DOCK8: variants seen among roughly 807,000 people sequenced by gnomAD.
The protein encoded by DOCK8 is dedicator of cytokinesis protein 8.
DOCK8 carries 141 observed loss-of-function variants against 245.6 expected under a neutral mutation model. The ratio of observed to expected loss-of-function variants is 0.57; its 90% CI spans 0.50 to 0.66. DOCK8 has a LOEUF of 0.66. Among genes scored for constraint, DOCK8 ranks in the 30% least tolerant of loss-of-function variants. The pLI, the probability that DOCK8 is intolerant of heterozygous loss-of-function variation, is 0.00. For synonymous variants in DOCK8, 1,168 were observed against 970.2 expected, an observed-to-expected ratio of 1.20 and a Z score of -3.79; for missense variants, 2,965 against 2,603.4, an observed-to-expected ratio of 1.14 and a Z score of -3.02.
intron 6 of DOCK8, chr9:312,511 G>A (rs1441955370): frequency 2.2e-6 from 1 of 454,370 alleles, no homozygotes; most frequent in East Asian, 6.2e-5. Flanking sequence ...GAGGGGATGT[G>A]TGGTCACTAA....
chr9:422,984 C>CAAA (rs56034723), intron 33 of DOCK8, among the ~76,000 whole-genome samples: 1 of 102,826 alleles, frequency 9.7e-6, no homozygotes, highest in Non-Finnish European at 1.9e-5. Flanking sequence ...GACTCCATCT[C>CAAA]AAAAAAAAAA....
chr9:401,677 C>A (rs1376181363), intron 26 of DOCK8, among the ~76,000 whole-genome samples: 3 of 151,968 alleles, frequency 2.0e-5, no homozygotes, highest in Non-Finnish European at 2.9e-5. Context: ...CAGCACCAGT[C>A]GACAGTGAAG....
chr9:396,643 C>G, intron 24 of DOCK8, 142 bp from the exon 25 acceptor site: 1 of 1,157,960 alleles, frequency 8.6e-7, no homozygotes, highest in Non-Finnish European at 1.3e-6. Flanking sequence ...TAGTCCAGAG[C>G]TTGCTCGGGC....
chr9:418,980 GT>G (rs966695909), intron 30 of DOCK8, among the ~76,000 whole-genome samples: 7 of 152,160 alleles, frequency 4.6e-5, no homozygotes, highest in African/African-American at 1.7e-4. Context: ...CCTAAGGAGG[GT>G]TGTTTGGCTC....
intron 23 of DOCK8, among the ~76,000 whole-genome samples, chr9:386,839 C>T (rs1305290142): frequency 6.6e-6 from 1 of 152,192 alleles, no homozygotes; most frequent in Non-Finnish European, 1.5e-5. Context: ...GGGCACAAGT[C>T]ATCCTTGACA....
intron 1 of DOCK8, among the ~76,000 whole-genome samples, chr9:245,862 A>C (rs2047493894): frequency 6.6e-6 from 1 of 152,232 alleles, no homozygotes; most frequent in South Asian, 2.1e-4. Context: ...TTGCTGGACA[A>C]AATGATAGGG....
intron 26 of DOCK8, among the ~76,000 whole-genome samples, chr9:400,375 T>TCCACCA (rs2054849976): frequency 7.6e-5 from 1 of 13,222 alleles, no homozygotes; most frequent in Non-Finnish European, 1.8e-4. Context: ...CACCACCTCC[T>TCCACCA]TCACCATCAC....
intron 13 of DOCK8, among the ~76,000 whole-genome samples, chr9:339,512 T>A (rs1027383543): frequency 1.3e-5 from 2 of 152,010 alleles, no homozygotes; most frequent in Non-Finnish European, 2.9e-5. Flanking sequence ...GGAAGCCAGT[T>A]TGTGTTTGTT....
intron 7 of DOCK8, among the ~76,000 whole-genome samples, chr9:318,015 ACTTT>A (rs2050421736): frequency 6.6e-6 from 1 of 152,062 alleles, no homozygotes; most frequent in Non-Finnish European, 1.5e-5. Flanking sequence ...TTAATTTTGT[ACTTT>A]CATATTAAAA....
chr9:401,102 A>ACCTCTCCCATCACCACCACCG (rs2055075828), intron 26 of DOCK8, among the ~76,000 whole-genome samples: 12 of 150,200 alleles, frequency 8.0e-5, no homozygotes. Flanking sequence ...CACCATCACC[A>ACCTCTCCCATCACCACCACCG]CCTCTCCCAT....
rs1228793596 is a variant in DOCK8, at chr9:464,243, G to C, written c.*24G>C. 1.2e-6 allele frequency: 2 copies of C among 1,606,958 alleles called. No individual in the cohort carries two copies. The highest frequency in any genetic ancestry group is 1.7e-6 in the Non-Finnish European group (2 of 1,173,482). Reference sequence around the variant, plus strand: ...AAGAAAAGCCATCTTCATTCGTGGAGACTGTGGCCCTGCAACCCTGGAGAA... The same window carrying C: ...AAGAAAAGCCATCTTCATTCGTGGACACTGTGGCCCTGCAACCCTGGAGAA... On this transcript the variant is annotated 3_prime_UTR_variant, in exon 48 of 48. Transcript: ENST00000432829.
chr9:299,262 G>A (rs550044664), intron 4 of DOCK8, among the ~76,000 whole-genome samples: 4 of 152,198 alleles, frequency 2.6e-5, no homozygotes, highest in Admixed American at 6.5e-5. Flanking sequence ...CAGATATGTT[G>A]TTGCCTACAT....
At position 396,805 on chromosome 9, in the gene DOCK8, C is replaced by T. The variant is rs190559109; in HGVS notation, c.2991C>T (p.His997=). 1.1e-5 allele frequency: 17 copies of T among 1,614,090 alleles called. No homozygotes were observed. The highest frequency in any genetic ancestry group is 3.3e-4 in the Middle Eastern group (2 of 6,062). ...FELLVKSMAQ[H]VHNMDKRDSF... ...CGCAGGTGAAAAGCATGGCCCAGCA[C>T]GTACATAACATGGACAAACGGGACA... The change falls in exon 25 of 48, where the codon CAC becomes CAT. Residue 997 remains histidine, a synonymous_variant. Coordinates refer to ENST00000432829, the MANE Select transcript of DOCK8 (RefSeq NM_203447.4).
chr9:441,162 T>C (rs1236481933), intron 40 of DOCK8, 124 bp from the exon 41 acceptor site: 2 of 1,444,660 alleles, frequency 1.4e-6, no homozygotes, highest in African/African-American at 2.8e-5. Context: ...TCTTGCCCTG[T>C]GAAATACTGT....
At chr9:225,190 A>T (rs2046965045) in intron 1 of DOCK8, among the ~76,000 whole-genome samples, 2 of 152,242 alleles carry the variant, frequency 1.3e-5, no homozygotes, top group South Asian at 4.1e-4. Context: ...GTGACTATAA[A>T]TGCAAAAGTT....
intron 4 of DOCK8, among the ~76,000 whole-genome samples, chr9:296,412 C>T (rs898583670): frequency 1.3e-5 from 2 of 152,136 alleles, no homozygotes; most frequent in Non-Finnish European, 2.9e-5. Context: ...TTTATTCTTG[C>T]CGCAGAGACA....
Position 420,733 on chromosome 9 carries a change from T to C in DOCK8, c.4023+150T>C, listed in dbSNP as rs186002356. Reference sequence around the variant, plus strand: ...TCCATAACCCATTTGTAGGTATAGATATGATCATTTCACAGGGAAAGGATC... The same window carrying C: ...TCCATAACCCATTTGTAGGTATAGACATGATCATTTCACAGGGAAAGGATC... On this transcript the variant is annotated intron_variant, in intron 31 of 47. Coordinates refer to ENST00000432829, the MANE Select transcript of DOCK8 (RefSeq NM_203447.4). 9 of 1,240,916 alleles carry C rather than the reference T, an allele frequency of 7.3e-6. No homozygotes were observed. The South Asian group carries it at 7.4e-5, about 10-fold the overall frequency. The allele number at this position is 1,240,916 out of a possible 1,614,324, so 76.9% of individuals were successfully genotyped here.
intron 22 of DOCK8, 62 bp from the exon 23 acceptor site, chr9:386,269 C>T (rs2053945918): frequency 4.2e-6 from 6 of 1,432,006 alleles, no homozygotes; most frequent in Non-Finnish European, 5.9e-6. Context: ...TTGTGATTTC[C>T]AGATGTCTGG....
At chr9:329,880 A>C (rs1037752113) in intron 9 of DOCK8, among the ~76,000 whole-genome samples, 1 of 152,250 alleles carries the variant, frequency 6.6e-6, no homozygotes, top group African/African-American at 2.4e-5. Context: ...AACATACTAA[A>C]GTGTTTGGAT....
Sources: allele counts gnomAD v4.1 joint callset (sites outside exome capture counted in the v4.1 genomes callset), GRCh38; gene constraint gnomAD v4.1.1; transcripts MANE v1.5; gene names NCBI Gene and HGNC (gene_info 2026-07-23, HGNC 2026-07-21).